HMG20A: variants seen among roughly 807,000 people sequenced by gnomAD.
HMG20A encodes high mobility group protein 20A.
HMG20A carries 17 observed loss-of-function variants against 43.9 expected under a neutral mutation model. The ratio of observed to expected loss-of-function variants is 0.39; its 90% CI spans 0.27 to 0.58. The LOEUF is 0.58. Ranked by LOEUF, HMG20A falls within the 20% of genes least tolerant of loss-of-function variation. The pLI is 0.59. For synonymous variants in HMG20A, 132 were observed against 147.5 expected, an observed-to-expected ratio of 0.89 and a Z score of 0.76; for missense variants, 341 against 438.2, an observed-to-expected ratio of 0.78 and a Z score of 1.98.
chr15:77,429,834 T>G (rs113558227), intron 1 of HMG20A, among the ~76,000 whole-genome samples: 1 of 152,104 alleles, frequency 6.6e-6, no homozygotes, highest in Admixed American at 6.5e-5. Context: ...TTTGCAAAAA[T>G]GAAAAGGAGA....
the HMG20A span, among the ~76,000 whole-genome samples, chr15:77,519,940 C>A: frequency 6.6e-6 from 1 of 152,138 alleles, no homozygotes; most frequent in Non-Finnish European, 1.5e-5. Context: ...GTGGCTCATG[C>A]CTGTAATCCC....
Position 77,485,193 on chromosome 15 carries a change from CTG to C in HMG20A, c.*2232_*2233del, listed in dbSNP as rs1259067793. 2 of 152,674 alleles carry C rather than the reference CTG, an allele frequency of 1.3e-5. No individual in the cohort carries two copies. The highest frequency in any genetic ancestry group is 4.8e-5 in the African/African-American group (2 of 41,460). 9.5% of individuals were successfully genotyped at this position (152,674 alleles called of 1,614,324 possible). ...TGGCTGGGATTCAGATGCCACAAAA[CTG>C]TCAGTATCTATAGACCAGGTCTGTG... On this transcript the variant is annotated 3_prime_UTR_variant, in exon 10 of 10. Coordinates refer to ENST00000336216, the MANE Select transcript of HMG20A (RefSeq NM_001304504.2).
At chr15:77,444,978 A>G (rs1390963842) in intron 1 of HMG20A, among the ~76,000 whole-genome samples, 1 of 151,358 alleles carries the variant, frequency 6.6e-6, no homozygotes. Context: ...TTCCTCTGCT[A>G]TCGAGCATCC....
intron 3 of HMG20A, among the ~76,000 whole-genome samples, chr15:77,466,631 C>A (rs2072759043): frequency 6.6e-6 from 1 of 152,156 alleles, no homozygotes; most frequent in Non-Finnish European, 1.5e-5. Context: ...CTTCTTTTGC[C>A]TGGTGCACGT....
chr15:77,500,775 G>T, the HMG20A span, among the ~76,000 whole-genome samples: 1 of 152,006 alleles, frequency 6.6e-6, no homozygotes, highest in East Asian at 1.9e-4. Flanking sequence ...CACCATGTTG[G>T]CCAGGCTGGT....
At chr15:77,477,725 AT>A (rs2072869458) in intron 7 of HMG20A, 95 bp downstream of exon 7, 1 of 807,162 alleles carries the variant, frequency 1.2e-6, no homozygotes, top group South Asian at 1.6e-5. Context: ...TGGTAGTGTT[AT>A]CCCTCCTTAG....
intron 1 of HMG20A, among the ~76,000 whole-genome samples, chr15:77,437,977 T>TG (rs1182599919): frequency 6.6e-6 from 1 of 150,724 alleles, no homozygotes; most frequent in East Asian, 2.0e-4. Context: ...TTCGTTTTTT[T>TG]GAGACAAGAT....
chr15:77,478,261 T>C (rs927357458), intron 7 of HMG20A, 34 bp from the exon 8 acceptor site: 1 of 1,605,888 alleles, frequency 6.2e-7, no homozygotes, highest in East Asian at 2.2e-5. Context: ...CTCCTTCTAG[T>C]GCTGCATGTG....
At chr15:77,476,893 T>C (rs2072861587) in intron 6 of HMG20A, among the ~76,000 whole-genome samples, 2 of 152,184 alleles carry the variant, frequency 1.3e-5, no homozygotes, top group Non-Finnish European at 2.9e-5. Flanking sequence ...TTAGGCTTTG[T>C]TATTCTTTTG....
the HMG20A span, among the ~76,000 whole-genome samples, chr15:77,501,121 T>A: frequency 3.3e-5 from 5 of 152,362 alleles, no homozygotes; most frequent in African/African-American, 1.2e-4. Flanking sequence ...CTCATCTTTG[T>A]ATCTCCAAAC....
intron 1 of HMG20A, among the ~76,000 whole-genome samples, chr15:77,453,220 T>A (rs540438498): frequency 1.3e-5 from 2 of 152,146 alleles, no homozygotes; most frequent in South Asian, 4.1e-4. Context: ...AACAGAATGA[T>A]ACTCTATCTA....
In HMG20A at chr15:77,479,370, A is replaced by C. The variant is rs561276593; in HGVS notation, c.*6+49A>C. 2.5e-6 allele frequency: 4 copies of C among 1,572,082 alleles called. No homozygotes were observed. The African/African-American group carries it at 5.4e-5, about 21-fold the overall frequency. On this transcript the variant is annotated intron_variant, in intron 9 of 9. Transcript: ENST00000336216. ...TATATGCCAGCACATCATCAAAAAT[A>C]AGATGTCATCAGACTTTATCAATAC... is the stretch of plus-strand genomic sequence containing the variant.
At chr15:77,473,965 T>C (rs2072832688) in intron 6 of HMG20A, among the ~76,000 whole-genome samples, 2 of 152,222 alleles carry the variant, frequency 1.3e-5, no homozygotes, top group Non-Finnish European at 2.9e-5. Flanking sequence ...CTGAATAATA[T>C]GTTTCCTAAA....
At chr15:77,433,202 A>T (rs765294318) in intron 1 of HMG20A, among the ~76,000 whole-genome samples, 1 of 152,014 alleles carries the variant, frequency 6.6e-6, no homozygotes, top group African/African-American at 2.4e-5. Context: ...TTAAAAATTA[A>T]CCGGGCATGA....
intron 1 of HMG20A, among the ~76,000 whole-genome samples, chr15:77,426,609 G>A (rs2073430504): frequency 6.6e-6 from 1 of 152,092 alleles, no homozygotes; most frequent in Non-Finnish European, 1.5e-5. Context: ...AAGAAAATCA[G>A]CATATAAGTA....
chr15:77,451,092 A>G (rs2073731456), intron 1 of HMG20A, among the ~76,000 whole-genome samples: 1 of 152,192 alleles, frequency 6.6e-6, no homozygotes, highest in Non-Finnish European at 1.5e-5. Flanking sequence ...CCATGGCTTC[A>G]TAACTCATAT....
intron 1 of HMG20A, among the ~76,000 whole-genome samples, chr15:77,438,266 A>G (rs2073571960): frequency 6.6e-6 from 1 of 151,362 alleles, no homozygotes; most frequent in African/African-American, 2.4e-5. Context: ...GGTGTGAGCG[A>G]CTGGACCCAG....
At chr15:77,432,508 G>C (rs2142277557) in intron 1 of HMG20A, among the ~76,000 whole-genome samples, 2 of 152,246 alleles carry the variant, frequency 1.3e-5, no homozygotes, top group Middle Eastern at 6.8e-3. Context: ...GATCACCTGA[G>C]GTCAGGAGTT....
the HMG20A span, among the ~76,000 whole-genome samples, chr15:77,494,560 C>T: frequency 1.3e-5 from 2 of 152,224 alleles, no homozygotes; most frequent in Non-Finnish European, 2.9e-5. Context: ...TTTAAACTTA[C>T]ATGAGTCTGC....
Sources: gnomAD v4.1 joint callset for allele counts (sites outside exome capture counted in the v4.1 genomes callset) on GRCh38, gnomAD v4.1.1 for gene constraint, MANE v1.5 for transcripts, NCBI Gene and HGNC (gene_info 2026-07-23, HGNC 2026-07-21) for gene names.